WDR62: variants seen among roughly 807,000 people sequenced by gnomAD.
WDR62 encodes WD repeat-containing protein 62.
In WDR62, 112 loss-of-function variants were observed where a neutral mutation model predicts 160.6. The ratio of observed to expected loss-of-function variants is 0.70; its 90% CI spans 0.60 to 0.82. The LOEUF (loss-of-function observed/expected upper bound fraction) is 0.82, where lower values mean the gene tolerates loss of function less well. Among genes scored for constraint, WDR62 ranks in the 40% least tolerant of loss-of-function variants. WDR62 has a pLI of 0.00. For synonymous variants in WDR62, 792 were observed against 815.1 expected (o/e 0.97, Z 0.48); for missense variants, 1,819 against 1,983.8 (o/e 0.92, Z 1.58).
chr19:36,097,810 G>C (rs1973063867), intron 21 of WDR62, among the ~76,000 whole-genome samples: 1 of 152,044 alleles, frequency 6.6e-6, no homozygotes, highest in African/African-American at 2.4e-5. Flanking sequence ...TTTGGGCCAG[G>C]GAGGTCGAGG....
In WDR62 at chr19:36,056,327, C is replaced by T. The variant is rs538914262; in HGVS notation, c.177+1179C>T. ...TTCTCCTGCACTGTGATTATACCGC[C>T]CACTCCTGGCTACAGGGCTCTGGCT... On this transcript the variant is annotated intron_variant, in intron 1 of 31. Transcript: ENST00000401500. Among the ~76,000 whole-genome samples the T allele has an allele frequency of 1.2e-3, 183 of 152,270 alleles. 1 individual carries two copies. The highest frequency in any genetic ancestry group is 4.3e-3 in the African/African-American group (177 of 41,554).
chr19:36,068,851 G>A (rs1454791916), intron 7 of WDR62, among the ~76,000 whole-genome samples: 4 of 152,136 alleles, frequency 2.6e-5, no homozygotes, highest in South Asian at 2.1e-4. Context: ...ATCATGGCCC[G>A]TTCTCAATGA....
At chr19:36,092,488 C>T (rs901536454) in intron 18 of WDR62, among the ~76,000 whole-genome samples, 1 of 151,542 alleles carries the variant, frequency 6.6e-6, no homozygotes, top group African/African-American at 2.4e-5. Flanking sequence ...CCCTGGTTTG[C>T]TGGGATGCCC....
chr19:36,090,316 G>A (rs1972513664), intron 15 of WDR62, 129 bp from the exon 16 acceptor site: 24 of 839,414 alleles, frequency 2.9e-5, no homozygotes, highest in Non-Finnish European at 4.5e-5. Context: ...TTCAGTTTCA[G>A]TCTAGGCATC....
At chr19:36,071,522 A>G in intron 7 of WDR62, 34 bp from the exon 8 acceptor site, 1 of 1,614,190 alleles carries the variant, frequency 6.2e-7, no homozygotes, top group Non-Finnish European at 8.5e-7. Flanking sequence ...CACGTGAAGC[A>G]CCAAATCCAC....
At chr19:36,093,538 C>T (rs1419078696) in intron 19 of WDR62, among the ~76,000 whole-genome samples, 1 of 151,894 alleles carries the variant, frequency 6.6e-6, no homozygotes, top group African/African-American at 2.4e-5. Context: ...CATGTGGCTC[C>T]CAGGGCAATG....
In WDR62 at chr19:36,083,105, C is replaced by T; in HGVS notation, c.1414C>T (p.Leu472=). Residue 472 remains leucine (L), a synonymous_variant, in exon 11 of 32, where the codon CTG becomes TTG. Transcript: ENST00000401500. Reference sequence around the variant, plus strand: ...GTACGTGGAGAATGACATCCAGCACCTGCAGGACATGTCACACTTCCCAGA... The same window carrying T: ...GTACGTGGAGAATGACATCCAGCACTTGCAGGACATGTCACACTTCCCAGA... ...VVYVENDIQH[L]QDMSHFPDRG... 6.2e-7 allele frequency: 1 copy of T among 1,613,696 alleles called. No homozygotes were observed. The highest frequency in any genetic ancestry group is 8.5e-7 in the Non-Finnish European group (1 of 1,179,826).
At chr19:36,059,923 C>G (rs2145527781) in intron 2 of WDR62, 45 bp from the exon 3 acceptor site, 1 of 1,606,194 alleles carries the variant, frequency 6.2e-7, no homozygotes, top group Admixed American at 1.7e-5. Context: ...TCCCAGGACC[C>G]CAACACTCCC....
rs761204875 is a variant in WDR62 at position 36,073,427 on chromosome 19, G to A, written c.1129G>A (p.Val377Met). ...CCCCATCCACCAGTGGCTGTCCTGC[G>A]TGTATAAGGACCACAGCATCTACAT... is the stretch of plus-strand genomic sequence containing the variant. ...FDPIHQWLSCVYKDHSIYIWD... is the reference protein window; with the variant it reads ...FDPIHQWLSCMYKDHSIYIWD... The change falls in exon 9 of 32, where the codon GTG becomes ATG. Residue 377 changes from valine (V) to methionine (M), a missense_variant. This residue lies in a region of WDR62 where 934 missense variants were observed against 1,157.2 expected (regional missense o/e 0.81). Transcript: ENST00000401500. 11 of 1,613,988 alleles carry A rather than the reference G, an allele frequency of 6.8e-6. 1 individual carries two copies. The highest frequency in any genetic ancestry group is 3.3e-5 in the Admixed American group (2 of 60,002).
intron 3 of WDR62, among the ~76,000 whole-genome samples, chr19:36,063,846 A>G (rs1433480055): frequency 6.6e-6 from 1 of 152,184 alleles, no homozygotes; most frequent in Admixed American, 6.5e-5. Flanking sequence ...CAGTGCAAAT[A>G]TTATCTTGTT....
Position 36,103,426 on chromosome 19 carries a change from G to A in WDR62, c.3598G>A (p.Ala1200Thr), listed in dbSNP as rs775144311. 2.5e-6 allele frequency: 4 copies of A among 1,613,998 alleles called. No individual in the cohort carries two copies. The highest frequency in any genetic ancestry group is 4.5e-5 in the East Asian group (2 of 44,864). The change falls in exon 30 of 32, where the codon GCA becomes ACA. Residue 1200 changes from alanine to threonine, a missense_variant. Ala to Thr is a moderately conservative substitution (Grantham distance 58, BLOSUM62 0). Coordinates refer to ENST00000401500, the MANE Select transcript of WDR62 (RefSeq NM_001083961.2). The part of the protein sequence containing the change: ...TDRNLPTPTS[A>T]PTPGLAQGVH... ...CAGGAATCTCCCAACGCCCACATCT[G>A]CACCCACCCCAGGCCTGGCTCAGGG...
chr19:36,104,514 C>T lies in WDR62; in HGVS notation c.4154-4C>T. The stretch of plus-strand genomic sequence containing the variant: ...TCTTGCTCATTCCCTTCTCTCTACC[C>T]CAGGTGCACTTGGTCTGTTACAGGG... On this transcript the variant is annotated splice_region_variant and splice_polypyrimidine_tract_variant and intron_variant, in intron 30 of 31. Coordinates refer to ENST00000401500, the MANE Select transcript of WDR62 (RefSeq NM_001083961.2). The T allele has an allele frequency of 1.2e-6, 2 of 1,613,600 alleles. No individual in the cohort carries two copies. Among genetic ancestry groups the T allele is most frequent in the Non-Finnish European group, 1.7e-6 (2 of 1,179,874 alleles).
intron 9 of WDR62, 120 bp from the exon 10 acceptor site, chr19:36,081,313 G>T (rs1339495646): frequency 7.1e-6 from 8 of 1,121,130 alleles, no homozygotes; most frequent in Non-Finnish European, 9.4e-6. Context: ...TTTTAGCATA[G>T]AAGGTATTGC....
chr19:36,099,529 G>T lies in WDR62; in HGVS notation c.2651G>T (p.Cys884Phe). Reference protein sequence around the residue: ...KTILDAQDLDCYFTPMKPESL... With the variant: ...KTILDAQDLDFYFTPMKPESL... ...ATCCTGGATGCCCAGGACCTGGATT[G>T]CTACTTTACCCCCATGAAGCCCGAG... Residue 884 changes from cysteine (C) to phenylalanine (F), a missense_variant, in exon 22 of 32, where the codon TGC (cysteine) becomes TTC (phenylalanine). By Grantham distance (205) the Cys-to-Phe change is radical. This residue lies in a region of WDR62 where 934 missense variants were observed against 1,157.2 expected (regional missense o/e 0.81). Coordinates refer to ENST00000401500, the MANE Select transcript of WDR62 (RefSeq NM_001083961.2). 1 of 1,614,184 alleles carries T rather than the reference G, an allele frequency of 6.2e-7. No individual in the cohort carries two copies. Among genetic ancestry groups the T allele is most frequent in the Non-Finnish European group, 8.5e-7 (1 of 1,180,036 alleles).
At chr19:36,096,237 C>G (rs769380203) in intron 20 of WDR62, among the ~76,000 whole-genome samples, 3 of 152,094 alleles carry the variant, frequency 2.0e-5, no homozygotes, top group South Asian at 2.1e-4. Flanking sequence ...ACCACAGGCT[C>G]AAGCTCCCAC....
chr19:36,091,040 G>A (rs1014915683), intron 16 of WDR62, among the ~76,000 whole-genome samples, 160 bp from the exon 17 acceptor site: 3 of 152,254 alleles, frequency 2.0e-5, no homozygotes, highest in African/African-American at 4.8e-5. Context: ...TTACTGCTGC[G>A]GTGGTTGTTA....
At chr19:36,086,618 A>C in intron 12 of WDR62, 69 bp from the exon 13 acceptor site, 1 of 1,540,802 alleles carries the variant, frequency 6.5e-7, no homozygotes, top group Non-Finnish European at 8.8e-7. Flanking sequence ...GCTTGGTCAC[A>C]CTGCCCTTCT....
chr19:36,092,359 T>C (rs1226868941), intron 18 of WDR62, among the ~76,000 whole-genome samples: 1 of 150,972 alleles, frequency 6.6e-6, no homozygotes, highest in Non-Finnish European at 1.5e-5. Context: ...TGAGATGATA[T>C]ACATACATTC....
chr19:36,064,160 G>C (rs369391712), intron 3 of WDR62, among the ~76,000 whole-genome samples: 29 of 152,162 alleles, frequency 1.9e-4, no homozygotes, highest in Non-Finnish European at 3.7e-4. Flanking sequence ...AGGTGGCTAC[G>C]GGCAACAGAA....
Sources: allele counts gnomAD v4.1 joint callset (sites outside exome capture counted in the v4.1 genomes callset), GRCh38; gene constraint gnomAD v4.1.1; regional missense constraint gnomAD v4.1.1; transcripts MANE v1.5; gene names NCBI Gene and HGNC (gene_info 2026-07-23, HGNC 2026-07-21).